The following CNBD1 variants were observed in gnomAD, a reference collection of about 807,000 sequenced individuals.
The protein encoded by CNBD1 is cyclic nucleotide-binding domain-containing protein 1.
A neutral mutation model predicts 54.4 loss-of-function variants in CNBD1; 71 were observed. The observed-to-expected ratio is 1.30, with a 90% CI of 1.08 to 1.59. CNBD1 has a LOEUF of 1.59. Among genes scored for constraint, CNBD1 ranks in the 40% most tolerant of loss-of-function variants. The pLI, the probability that CNBD1 is intolerant of heterozygous loss-of-function variation, is 0.00. For missense variants in CNBD1, 659 were observed against 518.0 expected, an observed-to-expected ratio of 1.27 and a Z score of -2.64; for synonymous variants, 182 against 170.7, an observed-to-expected ratio of 1.07 and a Z score of -0.51.
At chr8:87,266,307 C>A (rs866204523) in intron 6 of CNBD1, among the ~76,000 whole-genome samples, 8 of 150,578 alleles carry the variant, frequency 5.3e-5, no homozygotes, top group Admixed American at 2.0e-4. Flanking sequence ...GAAAGAGGAG[C>A]TTTTCCTATT....
chr8:87,130,500 G>A (rs1213892444), intron 4 of CNBD1, among the ~76,000 whole-genome samples: 1 of 151,976 alleles, frequency 6.6e-6, no homozygotes, highest in African/African-American at 2.4e-5. Context: ...TGAGAGGCTG[G>A]GTGTGGTGGT....
rs79458306 is a variant in CNBD1, at chr8:87,236,369, G to A, written c.578-550G>A. On this transcript the variant is annotated intron_variant, in intron 5 of 10. Transcript: ENST00000518476. ...TGGATGACAGTTTTTAGAGATTTAT[G>A]TAAGAGTAGGACAGATATGGGAAAA... 6.0e-3 allele frequency among the ~76,000 whole-genome samples: 913 copies of A among 152,156 alleles called. 17 individuals are homozygous for A. The highest frequency in any genetic ancestry group is 0.058 in the East Asian group (302 of 5,172).
At chr8:87,221,400 C>A (rs1055288648) in intron 5 of CNBD1, among the ~76,000 whole-genome samples, 13 of 152,048 alleles carry the variant, frequency 8.5e-5, no homozygotes, top group Admixed American at 7.2e-4. Context: ...CTTTATCAAC[C>A]TTCCTAGCTT....
At position 87,239,893 on chromosome 8, in the gene CNBD1, GAT is replaced by G. The variant is rs564326276; in HGVS notation, c.771+2783_771+2784del. 1.1e-3 allele frequency among the ~76,000 whole-genome samples: 161 copies of G among 152,022 alleles called. 1 individual carries two copies. Among genetic ancestry groups the G allele is most frequent in the Non-Finnish European group, 1.8e-3 (124 of 67,992 alleles). On this transcript the variant is annotated intron_variant, in intron 6 of 10. Transcript: ENST00000518476. ...TTAGAGTTGATTATATAAGGAAAGA[GAT>G]AAAAAATTACACATTTATTTACAAG...
chr8:87,009,139 C>G (rs928603657), intron 4 of CNBD1, among the ~76,000 whole-genome samples: 3 of 151,790 alleles, frequency 2.0e-5, no homozygotes, highest in African/African-American at 7.3e-5. Flanking sequence ...CTTTAATTTA[C>G]TAGAGTCTAT....
intron 4 of CNBD1, among the ~76,000 whole-genome samples, chr8:86,949,641 T>G (rs1442099389): frequency 1.3e-5 from 2 of 152,138 alleles, no homozygotes; most frequent in African/African-American, 4.8e-5. Flanking sequence ...TTTTTCCAAA[T>G]ATAAGATCAT....
At chr8:87,302,909 C>A (rs975583465) in intron 8 of CNBD1, among the ~76,000 whole-genome samples, 31 of 151,816 alleles carry the variant, frequency 2.0e-4, no homozygotes, top group Admixed American at 4.6e-4. Context: ...GAATAAAATA[C>A]CTAGGAATCC....
intron 4 of CNBD1, among the ~76,000 whole-genome samples, chr8:87,001,715 T>C (rs1421137965): frequency 6.6e-6 from 1 of 152,206 alleles, no homozygotes; most frequent in Non-Finnish European, 1.5e-5. Context: ...GCAGAGGGAA[T>C]GCTCAGTTTT....
intron 8 of CNBD1, among the ~76,000 whole-genome samples, chr8:87,330,785 T>C (rs542366068): frequency 6.6e-6 from 1 of 152,168 alleles, no homozygotes; most frequent in Admixed American, 6.5e-5. Flanking sequence ...ATTATAGATG[T>C]CAATTTTACC....
intron 5 of CNBD1, among the ~76,000 whole-genome samples, chr8:87,228,327 G>A (rs1026835230): frequency 6.6e-6 from 1 of 150,816 alleles, no homozygotes; most frequent in Non-Finnish European, 1.5e-5. Flanking sequence ...CTGATTTTTA[G>A]AGTTTCCAGT....
At chr8:87,091,437 A>G (rs974515867) in intron 4 of CNBD1, among the ~76,000 whole-genome samples, 2 of 152,188 alleles carry the variant, frequency 1.3e-5, no homozygotes, top group African/African-American at 4.8e-5. Context: ...GGTTACTTCC[A>G]TCTCTAACAT....
intron 4 of CNBD1, among the ~76,000 whole-genome samples, chr8:86,963,129 G>A (rs1419161352): frequency 3.9e-5 from 6 of 152,048 alleles, no homozygotes; most frequent in East Asian, 1.9e-4. Context: ...TAATTATTTC[G>A]ACCTTATATC....
intron 10 of CNBD1, among the ~76,000 whole-genome samples, chr8:87,365,499 A>G (rs1480536381): frequency 1.3e-5 from 2 of 151,968 alleles, no homozygotes; most frequent in Admixed American, 6.6e-5. Flanking sequence ...TCATGTTTTC[A>G]TTTTCAGATT....
At chr8:87,364,955 C>A (rs554212418) in intron 10 of CNBD1, among the ~76,000 whole-genome samples, 1 of 151,938 alleles carries the variant, frequency 6.6e-6, no homozygotes, top group Non-Finnish European at 1.5e-5. Context: ...GTGAACATCG[C>A]TGTGCATGTG....
chr8:86,971,289 T>C (rs1290868449), intron 4 of CNBD1, among the ~76,000 whole-genome samples: 2 of 152,130 alleles, frequency 1.3e-5, no homozygotes, highest in African/African-American at 4.8e-5. Flanking sequence ...AACATTTTTA[T>C]ACCATCAGAT....
At chr8:87,033,768 TTGTC>T (rs775156187) in intron 4 of CNBD1, among the ~76,000 whole-genome samples, 8 of 152,184 alleles carry the variant, frequency 5.3e-5, no homozygotes, top group South Asian at 2.1e-4. Flanking sequence ...CTTCTGGAAT[TTGTC>T]TGTTGTCTCT....
intron 8 of CNBD1, among the ~76,000 whole-genome samples, chr8:87,332,087 C>T (rs928275364): frequency 1.3e-5 from 2 of 152,172 alleles, no homozygotes; most frequent in East Asian, 1.9e-4. Flanking sequence ...GGGGCTCATA[C>T]TTGTAATCCC....
At chr8:86,987,653 C>A (rs947549591) in intron 4 of CNBD1, among the ~76,000 whole-genome samples, 1 of 152,032 alleles carries the variant, frequency 6.6e-6, no homozygotes, top group Non-Finnish European at 1.5e-5. Context: ...ATAGATGGCT[C>A]TTATTATTTT....
At chr8:87,092,500 T>TATATATACAC (rs1212013687) in intron 4 of CNBD1, among the ~76,000 whole-genome samples, 1 of 147,768 alleles carries the variant, frequency 6.8e-6, no homozygotes, top group African/African-American at 2.6e-5. Context: ...TGTGTGTATA[T>TATATATACAC]ATATGTGTGT....
Sources: gnomAD v4.1 joint callset for allele counts (sites outside exome capture counted in the v4.1 genomes callset) on GRCh38, gnomAD v4.1.1 for gene constraint, MANE v1.5 for transcripts, NCBI Gene and HGNC (gene_info 2026-07-23, HGNC 2026-07-21) for gene names.